NKAIN2: variants seen among roughly 807,000 people sequenced by gnomAD.
NKAIN2 encodes sodium/potassium-transporting ATPase subunit beta-1-interacting protein 2.
In NKAIN2, 14 loss-of-function variants were observed where a neutral mutation model predicts 32.6. The ratio of observed to expected loss-of-function variants is 0.43; its 90% confidence interval spans 0.28 to 0.67. The LOEUF is 0.67. Among genes scored for constraint, NKAIN2 ranks in the 30% least tolerant of loss-of-function variants. NKAIN2 has a pLI of 0.17. For synonymous variants in NKAIN2, 80 were observed against 87.2 expected (o/e 0.92, Z 0.46); for missense variants, 198 against 258.3 (o/e 0.77, Z 1.60).
chr6:124,027,470 C>T (rs80220168), intron 1 of NKAIN2, among the ~76,000 whole-genome samples: 7,370 of 152,186 alleles, frequency 0.048, 245 homozygotes, highest in Non-Finnish European at 0.072. Context: ...TTTGAAGACT[C>T]TCAAGTCTAT....
chr6:124,279,752 T>C (rs1795209298), intron 1 of NKAIN2, among the ~76,000 whole-genome samples: 1 of 152,012 alleles, frequency 6.6e-6, no homozygotes, highest in Admixed American at 6.6e-5. Context: ...TTTTACTAGA[T>C]ATAAAAGGAT....
intron 3 of NKAIN2, among the ~76,000 whole-genome samples, chr6:124,365,362 T>C (rs1799476444): frequency 1.3e-5 from 2 of 151,842 alleles, no homozygotes; most frequent in South Asian, 2.1e-4. Context: ...AAAACAAATA[T>C]AGTTTTTGTA....
chr6:123,941,089 C>T (rs1582815697), intron 1 of NKAIN2, among the ~76,000 whole-genome samples: 1 of 151,080 alleles, frequency 6.6e-6, no homozygotes, highest in Non-Finnish European at 1.5e-5. Context: ...AGACACAAAC[C>T]CACACATTAG....
chr6:123,943,509 C>T (rs998058726), intron 1 of NKAIN2, among the ~76,000 whole-genome samples: 1 of 151,996 alleles, frequency 6.6e-6, no homozygotes, highest in Non-Finnish European at 1.5e-5. Flanking sequence ...CATAGGCAAT[C>T]TTGGATTCAG....
chr6:124,063,197 A>G (rs183291387), intron 1 of NKAIN2, among the ~76,000 whole-genome samples: 2,019 of 151,674 alleles, frequency 0.013, 32 homozygotes, highest in African/African-American at 0.039. Flanking sequence ...AAAAAAAATT[A>G]TATATATATA....
At chr6:124,486,837 G>A (rs376259828) in intron 3 of NKAIN2, among the ~76,000 whole-genome samples, 6 of 151,790 alleles carry the variant, frequency 4.0e-5, no homozygotes, top group Non-Finnish European at 5.9e-5. Flanking sequence ...TGCTCTGCCC[G>A]TTCCCTGAAT....
At chr6:124,802,417 CA>C (rs1780301767) in intron 5 of NKAIN2, among the ~76,000 whole-genome samples, 1 of 152,080 alleles carries the variant, frequency 6.6e-6, no homozygotes, top group Non-Finnish European at 1.5e-5. Flanking sequence ...CAGGGGAGAA[CA>C]AAACAAAGAC....
At chr6:124,669,628 A>G (rs888127727) in intron 4 of NKAIN2, among the ~76,000 whole-genome samples, 3 of 152,060 alleles carry the variant, frequency 2.0e-5, no homozygotes, top group Non-Finnish European at 4.4e-5. Flanking sequence ...CTGACCAGGT[A>G]TAGCCTAGTC....
intron 2 of NKAIN2, among the ~76,000 whole-genome samples, chr6:124,321,789 G>A (rs1480825765): frequency 1.3e-5 from 2 of 152,134 alleles, no homozygotes; most frequent in Non-Finnish European, 2.9e-5. Flanking sequence ...CAGCCATTTA[G>A]AGGCAATAAA....
At chr6:124,295,386 TGA>T (rs897033172) in intron 2 of NKAIN2, among the ~76,000 whole-genome samples, 3 of 152,154 alleles carry the variant, frequency 2.0e-5, no homozygotes, top group African/African-American at 7.2e-5. Flanking sequence ...GTGAACACGT[TGA>T]GAGGTTTGTA....
At chr6:124,242,619 A>G (rs747948834) in intron 1 of NKAIN2, among the ~76,000 whole-genome samples, 14 of 152,194 alleles carry the variant, frequency 9.2e-5, no homozygotes, top group African/African-American at 2.7e-4. Context: ...CACTATTCAC[A>G]ATACCAAAGA....
chr6:124,572,979 A>C (rs1045629789), intron 3 of NKAIN2, among the ~76,000 whole-genome samples: 1 of 152,012 alleles, frequency 6.6e-6, no homozygotes, highest in Non-Finnish European at 1.5e-5. Flanking sequence ...AGCTGGGATT[A>C]CAGGCGCGTG....
intron 1 of NKAIN2, among the ~76,000 whole-genome samples, chr6:123,816,973 C>T (rs1199516896): frequency 2.0e-5 from 3 of 151,976 alleles, no homozygotes; most frequent in East Asian, 1.9e-4. Context: ...AAATAAGAGA[C>T]CTAAGAGGAA....
rs556538000 is a variant in NKAIN2, at chr6:124,136,340, G to A, written c.55-146665G>A. On this transcript the variant is annotated intron_variant, in intron 1 of 6. Coordinates refer to ENST00000368417, the MANE Select transcript of NKAIN2 (RefSeq NM_001040214.3). Reference sequence around the variant, plus strand: ...AATAAATAGCAACTCTGAACAGACCGAGAACAAGTAGTGAATTGAAACTGA... The same window carrying A: ...AATAAATAGCAACTCTGAACAGACCAAGAACAAGTAGTGAATTGAAACTGA... Among the ~76,000 whole-genome samples, 5 of 152,106 alleles carry A rather than the reference G, an allele frequency of 3.3e-5. No individual in the cohort carries two copies. The South Asian group carries it at 8.3e-4, about 25-fold the overall frequency.
intron 3 of NKAIN2, among the ~76,000 whole-genome samples, chr6:124,374,390 C>T (rs761490720): frequency 1.8e-4 from 28 of 152,036 alleles, no homozygotes; most frequent in Non-Finnish European, 3.7e-4. Flanking sequence ...ATGATGACCC[C>T]GATGTGCTGC....
intron 4 of NKAIN2, among the ~76,000 whole-genome samples, chr6:124,692,795 C>T (rs1255377872): frequency 2.6e-5 from 4 of 151,192 alleles, no homozygotes; most frequent in African/African-American, 4.9e-5. Flanking sequence ...CCAGCCTAGG[C>T]GACAGAGCAA....
chr6:124,129,040 G>A (rs1310238200), intron 1 of NKAIN2, among the ~76,000 whole-genome samples: 1 of 152,180 alleles, frequency 6.6e-6, no homozygotes, highest in Non-Finnish European at 1.5e-5. Flanking sequence ...AATACTGCTT[G>A]CCTGTCTGGA....
intron 1 of NKAIN2, among the ~76,000 whole-genome samples, chr6:124,083,836 G>C (rs1478826526): frequency 6.6e-6 from 1 of 151,942 alleles, no homozygotes; most frequent in Non-Finnish European, 1.5e-5. Context: ...CTTTTTTAAA[G>C]ACACTATGGT....
At chr6:124,256,421 A>G (rs1793934027) in intron 1 of NKAIN2, among the ~76,000 whole-genome samples, 1 of 152,218 alleles carries the variant, frequency 6.6e-6, no homozygotes, top group East Asian at 1.9e-4. Flanking sequence ...GCCATTTCAG[A>G]GCCCATAGAA....
Sources: allele counts gnomAD v4.1 joint callset (sites outside exome capture counted in the v4.1 genomes callset), GRCh38; gene constraint gnomAD v4.1.1; transcripts MANE v1.5; gene names NCBI Gene and HGNC (gene_info 2026-07-23, HGNC 2026-07-21).